Variants in AOPEP observed in about 807,000 individuals in gnomAD.
The protein encoded by AOPEP is aminopeptidase O (putative).
A neutral mutation model predicts 98.1 loss-of-function variants in AOPEP; 77 were observed. The ratio of observed to expected loss-of-function variants is 0.78; its 90% confidence interval spans 0.65 to 0.95. The LOEUF is 0.95. Ranked by LOEUF, AOPEP falls within the 40% of genes least tolerant of loss-of-function variation. The pLI is 0.00. For missense variants in AOPEP, 1,024 were observed against 1,024.7 expected (o/e 1.00, Z 0.01); for synonymous variants, 346 against 365.3 (o/e 0.95, Z 0.60).
the AOPEP span, chr9:95,099,905 G>T: frequency 8.6e-6 from 2 of 233,130 alleles, no homozygotes; most frequent in Non-Finnish European, 1.7e-5. Context: ...CCTGGCAGGG[G>T]AGGAGGAAGA....
At chr9:95,094,311 G>A in the AOPEP span, among the ~76,000 whole-genome samples, 2 of 152,152 alleles carry the variant, frequency 1.3e-5, no homozygotes, top group African/African-American at 4.8e-5. Flanking sequence ...AATCTTTTTC[G>A]ATCTTAGTGC....
At chr9:94,950,508 C>T (rs767359239) in intron 7 of AOPEP, among the ~76,000 whole-genome samples, 2 of 152,214 alleles carry the variant, frequency 1.3e-5, no homozygotes, top group Non-Finnish European at 2.9e-5. Context: ...GCAGGTCTCA[C>T]CTGTGCATCT....
chr9:95,020,396 C>G (rs1443981493), intron 13 of AOPEP, among the ~76,000 whole-genome samples: 1 of 152,156 alleles, frequency 6.6e-6, no homozygotes, highest in African/African-American at 2.4e-5. Context: ...TTATTGAGGA[C>G]TTTTCCATTT....
In AOPEP at chr9:94,759,949, CAGAAT is replaced by C. The variant is rs760609793; in HGVS notation, c.169_173del (p.Asn57LeufsTer3). The C allele has an allele frequency of 1.2e-6, 2 of 1,614,016 alleles. No homozygotes were observed. The highest frequency in any genetic ancestry group is 1.7e-6 in the Non-Finnish European group (2 of 1,180,034). Reference sequence around the variant, plus strand: ...CGAGGATGGAAACAGATTCAAGAAACAGAATAGCTCTATTGAGGAAGCCTGCCAAT... The same window carrying C: ...CGAGGATGGAAACAGATTCAAGAAACAGCTCTATTGAGGAAGCCTGCCAAT... On this transcript the variant is annotated frameshift_variant, in exon 2 of 17. Coordinates refer to ENST00000375315, the MANE Select transcript of AOPEP (RefSeq NM_001193329.3). LOFTEE classifies it high-confidence loss of function.
intron 7 of AOPEP, among the ~76,000 whole-genome samples, chr9:94,943,607 A>C (rs1321740419): frequency 1.3e-5 from 2 of 149,358 alleles, no homozygotes; most frequent in Non-Finnish European, 3.0e-5. Context: ...TAAAAAAAAA[A>C]AAGAAAAAAG....
chr9:94,955,255 C>T lies in AOPEP; in HGVS notation c.1740C>T (p.Ile580=). The change falls in exon 8 of 17, where the codon ATC becomes ATT. Residue 580 remains isoleucine, a synonymous_variant. Transcript: ENST00000375315. ...AGCATGGACTTAATCCGGAGAAGAT[C>T]TTCATGCAGGTGCATTATTTAAAGG... is the stretch of plus-strand genomic sequence containing the variant. ...VIKHGLNPEK[I]FMQVHYLKGY... 6.2e-7 allele frequency: 1 copy of T among 1,612,716 alleles called. No homozygotes were observed. Among genetic ancestry groups the T allele is most frequent in the Non-Finnish European group, 8.5e-7 (1 of 1,179,172 alleles).
intron 1 of AOPEP, among the ~76,000 whole-genome samples, chr9:94,741,439 A>AT (rs1287022350): frequency 6.6e-6 from 1 of 151,460 alleles, no homozygotes; most frequent in East Asian, 1.9e-4. Context: ...TGCCTGGCTA[A>AT]TTTTTGTATT....
intron 10 of AOPEP, among the ~76,000 whole-genome samples, chr9:94,979,164 T>C (rs1470206382): frequency 6.6e-6 from 1 of 152,172 alleles, no homozygotes; most frequent in Non-Finnish European, 1.5e-5. Context: ...TCATCGTGCA[T>C]GTTGCTGTGG....
At chr9:94,945,840 A>G (rs1247118758) in intron 7 of AOPEP, among the ~76,000 whole-genome samples, 1 of 152,074 alleles carries the variant, frequency 6.6e-6, no homozygotes, top group African/African-American at 2.4e-5. Flanking sequence ...TTAATGCAAT[A>G]CAGAAAAAGT....
chr9:95,005,005 C>A (rs1185428402), intron 11 of AOPEP, 153 bp from the exon 12 acceptor site: 1 of 174,440 alleles, frequency 5.7e-6, no homozygotes, highest in South Asian at 1.8e-4. Flanking sequence ...ATGCGGACCC[C>A]GGGCGGGCGC....
chr9:94,924,026 G>A lies in AOPEP; in HGVS notation c.1405G>A (p.Gly469Arg), dbSNP rs575733167. The A allele has an allele frequency of 7.8e-4, 1,168 of 1,499,408 alleles. No homozygotes were observed. The highest frequency in any genetic ancestry group is 1.2e-3 in the Admixed American group (51 of 44,314). The allele number at this position is 1,499,408 out of a possible 1,614,324, so 92.9% of individuals were successfully genotyped here. ...CCTCTCTCAGAGCATCTTGACAGGA[G>A]GGAACCATCTCTGTGGGACCCGCCT... Reference protein sequence around the residue: ...MFLSQSILTGGNHLCGTRLCH... With the variant: ...MFLSQSILTGRNHLCGTRLCH... Residue 469 changes from glycine to arginine, a missense_variant, in exon 6 of 17, where the codon GGG (glycine) becomes AGG (arginine). Gly to Arg is a moderately radical substitution (Grantham distance 125). Around this residue, in one of 3 missense-constraint regions of AOPEP, gnomAD observed 566 missense variants for 551.7 expected, o/e 1.03. Coordinates refer to ENST00000375315, the MANE Select transcript of AOPEP (RefSeq NM_001193329.3).
chr9:95,107,709 T>C, the AOPEP span, among the ~76,000 whole-genome samples: 1 of 152,084 alleles, frequency 6.6e-6, no homozygotes, highest in South Asian at 2.1e-4. Flanking sequence ...CTTCTTGCTA[T>C]ATTGGGGGTC....
chr9:94,740,135 G>A (rs983428290), intron 1 of AOPEP, among the ~76,000 whole-genome samples: 1 of 152,150 alleles, frequency 6.6e-6, no homozygotes, highest in African/African-American at 2.4e-5. Flanking sequence ...GCATGGGCAG[G>A]AGCTTTTATT....
chr9:95,102,913 G>A, the AOPEP span, among the ~76,000 whole-genome samples: 4 of 152,184 alleles, frequency 2.6e-5, no homozygotes, highest in African/African-American at 7.2e-5. Context: ...GGCCTGCAAC[G>A]AGCCCGCCAG....
chr9:94,801,056 C>A, intron 5 of AOPEP, 54 bp downstream of exon 5: 1 of 1,592,620 alleles, frequency 6.3e-7, no homozygotes, highest in South Asian at 1.1e-5. Context: ...AATTCTTTGA[C>A]TATGTCTTGC....
chr9:95,139,048 C>T, the AOPEP span, among the ~76,000 whole-genome samples: 4 of 152,170 alleles, frequency 2.6e-5, no homozygotes, highest in Admixed American at 6.5e-5. Flanking sequence ...AAGGAATCGC[C>T]GAAGCAGTAT....
the AOPEP span, chr9:95,123,826 A>T: frequency 1.5e-6 from 1 of 672,352 alleles, no homozygotes; most frequent in Non-Finnish European, 2.8e-6. Flanking sequence ...TCCAATTTAG[A>T]CCTGCGGATG....
chr9:95,045,230 G>A (rs116253697), intron 13 of AOPEP, among the ~76,000 whole-genome samples: 4,664 of 152,308 alleles, frequency 0.031, 240 homozygotes, highest in African/African-American at 0.11. Flanking sequence ...GTTTTAAAGA[G>A]GGAGTGTCAT....
chr9:94,952,907 C>T (rs921862121), intron 7 of AOPEP, among the ~76,000 whole-genome samples: 2 of 152,190 alleles, frequency 1.3e-5, no homozygotes, highest in Non-Finnish European at 2.9e-5. Context: ...GGGATGCTTT[C>T]GGGAAGGACA....
Sources: allele counts gnomAD v4.1 joint callset (sites outside exome capture counted in the v4.1 genomes callset), GRCh38; gene constraint gnomAD v4.1.1; regional missense constraint gnomAD v4.1.1; transcripts MANE v1.5; gene names NCBI Gene and HGNC (gene_info 2026-07-23, HGNC 2026-07-21).